Variants in CHD9 observed in about 807,000 individuals in gnomAD.
CHD9 encodes the protein ATP-dependent chromatin remodeler CHD9.
A neutral mutation model predicts 316.1 loss-of-function variants in CHD9; 77 were observed. The observed-to-expected ratio is 0.24, with a 90% confidence interval of 0.20 to 0.29. CHD9 has a LOEUF of 0.29. CHD9 is among the 10% of genes least tolerant of loss of function. CHD9 has a pLI of 1.00. For synonymous variants in CHD9, 1,129 were observed against 1,158.3 expected (o/e 0.97, Z 0.51); for missense variants, 2,763 against 3,438.1 (o/e 0.80, Z 4.91).
chr16:53,076,792 A>T (rs2034570498), intron 1 of CHD9, among the ~76,000 whole-genome samples: 1 of 151,524 alleles, frequency 6.6e-6, no homozygotes, highest in African/African-American at 2.4e-5. Context: ...AACAAAAGCA[A>T]ATTTTAATTA....
At chr16:53,147,759 CT>C (rs2040747801) in intron 1 of CHD9, among the ~76,000 whole-genome samples, 2 of 152,064 alleles carry the variant, frequency 1.3e-5, no homozygotes, top group Admixed American at 1.3e-4. Context: ...TTGTTTCCAG[CT>C]TTTGTCTATT....
At chr16:53,194,180 C>A (rs1454842456) in intron 2 of CHD9, among the ~76,000 whole-genome samples, 1 of 151,660 alleles carries the variant, frequency 6.6e-6, no homozygotes, top group African/African-American at 2.4e-5. Context: ...GAGCTGTGAT[C>A]ATGCCACTGC....
chr16:53,188,865 G>A (rs561245030), intron 2 of CHD9, among the ~76,000 whole-genome samples: 2 of 151,960 alleles, frequency 1.3e-5, no homozygotes, highest in African/African-American at 4.8e-5. Flanking sequence ...GATTACAGGC[G>A]TGAGCTACCG....
rs193168057 is a variant in CHD9, at chr16:53,295,613, T to C, written c.5511-1343T>C. On this transcript the variant is annotated intron_variant, in intron 29 of 38. Transcript: ENST00000447540. ...GATGGGCACTCTGTCATATTTTTTG[T>C]GTCCTGTGTAGTCTTTCAATTAATC... Among the ~76,000 whole-genome samples, 3 of 152,338 alleles carry C rather than the reference T, an allele frequency of 2.0e-5. No individual in the cohort carries two copies. In the East Asian group the frequency reaches 5.8e-4, roughly 29 times the overall value.
At chr16:53,145,390 A>T (rs933591228) in intron 1 of CHD9, among the ~76,000 whole-genome samples, 2 of 151,144 alleles carry the variant, frequency 1.3e-5, no homozygotes, top group African/African-American at 4.9e-5. Context: ...ACCTCAGGTG[A>T]TCTGCCCACC....
At chr16:53,153,633 A>T (rs2041289269) in intron 1 of CHD9, among the ~76,000 whole-genome samples, 1 of 152,028 alleles carries the variant, frequency 6.6e-6, no homozygotes. Flanking sequence ...GGCTCAAGCG[A>T]TCCTCCCACC....
intron 12 of CHD9, among the ~76,000 whole-genome samples, chr16:53,239,342 T>G (rs530579599): frequency 2.6e-5 from 4 of 152,138 alleles, no homozygotes; most frequent in Non-Finnish European, 5.9e-5. Context: ...CTTAACACTT[T>G]GGGAGGCCGA....
rs746298591 is a variant in CHD9 at position 53,157,509 on chromosome 16, C to T, written c.1420C>T (p.His474Tyr). 8 of 1,613,496 alleles carry T rather than the reference C, an allele frequency of 5.0e-6. No individual in the cohort carries two copies. Among genetic ancestry groups the T allele is most frequent in the Middle Eastern group, 1.6e-4 (1 of 6,082 alleles). ...ATCATTTTCTAATCATCAGCATTTA[C>T]ATGACAGAAATCACCTATGTTTACA... Reference protein sequence around the residue: ...HSSFSNHQHLHDRNHLCLQRQ... With the variant: ...HSSFSNHQHLYDRNHLCLQRQ... Residue 474 changes from histidine to tyrosine, a missense_variant, in exon 2 of 39, where the codon CAT becomes TAT. By Grantham distance (83) the His-to-Tyr change is moderately conservative. Around this residue, in one of 15 missense-constraint regions of CHD9, gnomAD observed 859 missense variants for 890.4 expected, o/e 0.96. Coordinates refer to ENST00000447540, the MANE Select transcript of CHD9 (RefSeq NM_001308319.2).
In CHD9 at chr16:53,308,869, A is replaced by G; in HGVS notation, c.7222+15A>G. ...ACCAGTATCAGGTGAATATGCAAGT[A>G]ATAATTGTCTTACTATGAAATATTT... On this transcript the variant is annotated intron_variant, in intron 34 of 38. Coordinates refer to ENST00000447540, the MANE Select transcript of CHD9 (RefSeq NM_001308319.2). The G allele has an allele frequency of 6.3e-7, 1 of 1,583,892 alleles. No individual in the cohort carries two copies. Among genetic ancestry groups the G allele is most frequent in the Non-Finnish European group, 8.6e-7 (1 of 1,157,330 alleles).
At chr16:53,108,266 T>C (rs2037529028) in intron 1 of CHD9, among the ~76,000 whole-genome samples, 1 of 151,872 alleles carries the variant, frequency 6.6e-6, no homozygotes, top group African/African-American at 2.4e-5. Context: ...CTTTGGGAGG[T>C]TGAAGTGGGT....
At chr16:53,236,420 C>T (rs73599629) in intron 11 of CHD9, among the ~76,000 whole-genome samples, 4,911 of 152,184 alleles carry the variant, frequency 0.032, 98 homozygotes, top group Middle Eastern at 0.071. Context: ...ATGTATCAGA[C>T]ATGCCATCTC....
chr16:53,117,496 C>T lies in CHD9; in HGVS notation c.-164-38430C>T, dbSNP rs2038406563. ...ATGGCATGATCTTGGCTCACTGCAA[C>T]CTCTGCCTCCTGGGTTCAAGTGATT... On this transcript the variant is annotated intron_variant, in intron 1 of 38. Transcript: ENST00000447540. Among the ~76,000 whole-genome samples the T allele has an allele frequency of 2.0e-5, 3 of 152,026 alleles. No individual in the cohort carries two copies. The South Asian group carries it at 6.2e-4, about 32-fold the overall frequency.
chr16:53,148,427 C>G (rs981866706), intron 1 of CHD9, among the ~76,000 whole-genome samples: 3 of 152,104 alleles, frequency 2.0e-5, no homozygotes, highest in African/African-American at 7.2e-5. Context: ...TGAGGAACCA[C>G]CACACTATTT....
chr16:53,282,321 A>G (rs546235835), intron 24 of CHD9, among the ~76,000 whole-genome samples: 9 of 152,304 alleles, frequency 5.9e-5, no homozygotes, highest in Middle Eastern at 3.4e-3. Flanking sequence ...GTTAGGAAGC[A>G]TCTGTAAGGG....
At chr16:53,279,826 G>GA (rs1179513670) in intron 24 of CHD9, among the ~76,000 whole-genome samples, 1 of 150,968 alleles carries the variant, frequency 6.6e-6, no homozygotes, top group Admixed American at 6.6e-5. Context: ...ACTCAAATTA[G>GA]AAAAAAAAGA....
chr16:53,157,739 T>G (rs1316094591), intron 2 of CHD9, among the ~76,000 whole-genome samples, 198 bp downstream of exon 2: 1 of 152,218 alleles, frequency 6.6e-6, no homozygotes. Context: ...CTCAAAGCAA[T>G]AGATTAGCTT....
chr16:53,184,101 C>T (rs1164240359), intron 2 of CHD9, among the ~76,000 whole-genome samples: 2 of 151,926 alleles, frequency 1.3e-5, no homozygotes, highest in Admixed American at 6.6e-5. Context: ...CCCGGCACCA[C>T]GCCCGGCTAA....
At chr16:53,194,533 A>G (rs1278796517) in intron 2 of CHD9, among the ~76,000 whole-genome samples, 1 of 152,198 alleles carries the variant, frequency 6.6e-6, no homozygotes, top group African/African-American at 2.4e-5. Flanking sequence ...AGATCGTACC[A>G]CTTCACTCCA....
At chr16:53,120,654 C>T (rs2038679053) in intron 1 of CHD9, among the ~76,000 whole-genome samples, 1 of 151,628 alleles carries the variant, frequency 6.6e-6, no homozygotes, top group African/African-American at 2.4e-5. Flanking sequence ...TGGAAAAATA[C>T]ATGTTTACAG....
Sources: allele counts gnomAD v4.1 joint callset (sites outside exome capture counted in the v4.1 genomes callset), GRCh38; gene constraint gnomAD v4.1.1; regional missense constraint gnomAD v4.1.1; transcripts MANE v1.5; gene names NCBI Gene and HGNC (gene_info 2026-07-23, HGNC 2026-07-21).